The following KCNJ16 variants were observed in gnomAD, a reference collection of about 807,000 sequenced individuals.
The protein encoded by KCNJ16 is inward rectifier potassium channel 16.
Under a neutral mutation model 18.5 loss-of-function variants are expected in KCNJ16, and 15 were observed. That is an observed-to-expected ratio of 0.81 (90% CI 0.54 to 1.25). The LOEUF is 1.25. Among genes scored for constraint, KCNJ16 ranks in the 50% most tolerant of loss-of-function variants. The pLI is 0.00. For missense variants in KCNJ16, 523 were observed against 525.7 expected (o/e 0.99, Z 0.05); for synonymous variants, 174 against 186.5 (o/e 0.93, Z 0.55).
At chr17:70,088,562 G>A (rs1397317128) in intron 1 of KCNJ16, among the ~76,000 whole-genome samples, 2 of 152,158 alleles carry the variant, frequency 1.3e-5, no homozygotes, top group African/African-American at 4.8e-5. Context: ...TTTAGAAATG[G>A]TAACATTCCC....
chr17:70,079,663 T>C lies in KCNJ16; in HGVS notation c.-300+4273T>C, dbSNP rs142916172. On this transcript the variant is annotated intron_variant, in intron 1 of 3. Transcript: ENST00000392671. ...GCCTAAAAATACCATCATTTGCATA[T>C]AGAAGCATCCATTAATTTAGTACAG... Among the ~76,000 whole-genome samples, 8 of 152,300 alleles carry C rather than the reference T, an allele frequency of 5.3e-5. No individual in the cohort carries two copies. In the East Asian group the frequency reaches 1.4e-3, roughly 26 times the overall value.
rs2074081521 is a variant in KCNJ16 at position 70,132,234 on chromosome 17, C to T, written c.147C>T (p.His49=). 1 of 1,614,212 alleles carries T rather than the reference C, an allele frequency of 6.2e-7. No homozygotes were observed. The highest frequency in any genetic ancestry group is 1.1e-5 in the South Asian group (1 of 91,082). The stretch of plus-strand genomic sequence containing the variant: ...GCAGCTGTAATGTCTACTTCAAGCA[C>T]ATTTTTGGAGAATGGGGAAGCTATG... The part of the protein sequence containing the change: ...KDGSCNVYFK[H]IFGEWGSYVV... Residue 49 remains histidine, a synonymous_variant, in exon 4 of 4, where the codon CAC becomes CAT. Transcript: ENST00000392671.
chr17:70,084,747 C>T (rs1459950368), intron 1 of KCNJ16, among the ~76,000 whole-genome samples: 1 of 152,088 alleles, frequency 6.6e-6, no homozygotes, highest in African/African-American at 2.4e-5. Context: ...GTTTGCCCCG[C>T]TTTCATATAG....
intron 1 of KCNJ16, among the ~76,000 whole-genome samples, chr17:70,083,200 A>ATT (rs1341577468): frequency 1.3e-5 from 2 of 148,596 alleles, no homozygotes; most frequent in East Asian, 3.9e-4. Context: ...GATTATATAT[A>ATT]TTATATATAT....
At chr17:70,110,300 T>G (rs1182817867) in intron 2 of KCNJ16, among the ~76,000 whole-genome samples, 3 of 152,136 alleles carry the variant, frequency 2.0e-5, no homozygotes, top group Admixed American at 1.3e-4. Context: ...AAAAGGCAAA[T>G]GTTCTGATCA....
chr17:70,082,236 T>C (rs1347203318), intron 1 of KCNJ16, among the ~76,000 whole-genome samples: 1 of 152,214 alleles, frequency 6.6e-6, no homozygotes, highest in African/African-American at 2.4e-5. Context: ...GTTGTCTGCC[T>C]AGTTATAAAG....
At chr17:70,111,756 C>G (rs1329759493) in intron 2 of KCNJ16, among the ~76,000 whole-genome samples, 3 of 152,000 alleles carry the variant, frequency 2.0e-5, no homozygotes, top group East Asian at 1.9e-4. Flanking sequence ...GTAAGTCTCA[C>G]GAGAGCTGAT....
intron 2 of KCNJ16, among the ~76,000 whole-genome samples, chr17:70,121,443 T>C (rs923271754): frequency 3.3e-5 from 5 of 152,088 alleles, no homozygotes; most frequent in Admixed American, 2.0e-4. Context: ...CAGTGTTTGT[T>C]AGTGAAAAAG....
intron 1 of KCNJ16, among the ~76,000 whole-genome samples, chr17:70,099,587 G>A (rs1387547466): frequency 1.3e-5 from 2 of 152,082 alleles, no homozygotes; most frequent in East Asian, 1.9e-4. Flanking sequence ...GTGTTGTGGA[G>A]GAGCTGGGGC....
chr17:70,132,494 A>G lies in KCNJ16; in HGVS notation c.407A>G (p.Tyr136Cys), dbSNP rs1486562354. 5 of 1,614,066 alleles carry G rather than the reference A, an allele frequency of 3.1e-6. No individual in the cohort carries two copies. In the Admixed American group the frequency reaches 6.7e-5, roughly 22 times the overall value. Residue 136 changes from tyrosine (Y) to cysteine (C), a missense_variant, in exon 4 of 4, where the codon TAT becomes TGT. By Grantham distance (194) the Tyr-to-Cys change is radical. Coordinates refer to ENST00000392671, the MANE Select transcript of KCNJ16 (RefSeq NM_170741.4). ...ACCCAAACCACCATAGGATATGGTT[A>G]TCGCTGTGTTACTGAAGAATGTTCT... ...LETQTTIGYG[Y>C]RCVTEECSVA...
At chr17:70,107,253 A>G (rs2143942528) in intron 2 of KCNJ16, among the ~76,000 whole-genome samples, 1 of 152,324 alleles carries the variant, frequency 6.6e-6, no homozygotes, top group East Asian at 1.9e-4. Flanking sequence ...AATCTAAGTG[A>G]TGAAAGTAAA....
At chr17:70,090,127 T>G (rs1273853660) in intron 1 of KCNJ16, among the ~76,000 whole-genome samples, 1 of 152,202 alleles carries the variant, frequency 6.6e-6, no homozygotes, top group African/African-American at 2.4e-5. Context: ...ACAGGGCAAC[T>G]GGAATCTAGG....
At chr17:70,082,583 T>A (rs2071601202) in intron 1 of KCNJ16, among the ~76,000 whole-genome samples, 1 of 152,216 alleles carries the variant, frequency 6.6e-6, no homozygotes, top group Non-Finnish European at 1.5e-5. Context: ...GGTAGGTATT[T>A]CCAAGAAATG....
At position 70,133,366 on chromosome 17, in the gene KCNJ16, G is replaced by A. The variant is rs1404211819; in HGVS notation, c.*22G>A. The stretch of plus-strand genomic sequence containing the variant: ...GTAGTCCTAAATTGCAATTATGAGG[G>A]CTACCACTGAATCATTTTATCTTTC... On this transcript the variant is annotated 3_prime_UTR_variant, in exon 4 of 4. Coordinates refer to ENST00000392671, the MANE Select transcript of KCNJ16 (RefSeq NM_170741.4). 1.0e-5 allele frequency: 16 copies of A among 1,577,710 alleles called. No homozygotes were observed. Among genetic ancestry groups the A allele is most frequent in the African/African-American group, 1.4e-5 (1 of 73,396 alleles).
chr17:70,133,360 A>G lies in KCNJ16; in HGVS notation c.*16A>G. ...CCAAATGTAGTCCTAAATTGCAATT[A>G]TGAGGGCTACCACTGAATCATTTTA... On this transcript the variant is annotated 3_prime_UTR_variant, in exon 4 of 4. Transcript: ENST00000392671. 1 of 1,594,606 alleles carries G rather than the reference A, an allele frequency of 6.3e-7. No individual in the cohort carries two copies. The highest frequency in any genetic ancestry group is 1.1e-5 in the South Asian group (1 of 89,512).
intron 2 of KCNJ16, among the ~76,000 whole-genome samples, chr17:70,124,937 A>G (rs1055806105): frequency 2.0e-5 from 3 of 146,358 alleles, no homozygotes; most frequent in Admixed American, 6.7e-5. Context: ...GACAACAAGG[A>G]GCAGGGGATC....
At chr17:70,112,758 TATAA>T (rs2144030040) in intron 2 of KCNJ16, among the ~76,000 whole-genome samples, 2 of 152,316 alleles carry the variant, frequency 1.3e-5, no homozygotes, top group African/African-American at 4.8e-5. Context: ...TTAAAATTGT[TATAA>T]ATAATATTTA....
chr17:70,081,597 C>G (rs2108439), intron 1 of KCNJ16, among the ~76,000 whole-genome samples: 136,479 of 152,214 alleles, frequency 0.9, 61,306 homozygotes, highest in East Asian at 1. Context: ...GTTCGTGTGT[C>G]TCTGCACTAT....
chr17:70,110,021 T>A (rs1445364858), intron 2 of KCNJ16, among the ~76,000 whole-genome samples: 2 of 152,152 alleles, frequency 1.3e-5, no homozygotes, highest in African/African-American at 4.8e-5. Flanking sequence ...CTTAAACAGT[T>A]CTCCATTGTG....
Sources: allele counts gnomAD v4.1 joint callset (sites outside exome capture counted in the v4.1 genomes callset), GRCh38; gene constraint gnomAD v4.1.1; transcripts MANE v1.5; gene names NCBI Gene and HGNC (gene_info 2026-07-23, HGNC 2026-07-21).